Variants in ZNF600 observed in about 807,000 individuals in gnomAD.
ZNF600 encodes zinc finger protein 600, also known as zinc finger protein KR-ZNF1.
ZNF600 carries 4 observed loss-of-function variants against 7.3 expected under a neutral mutation model. The ratio of observed to expected loss-of-function variants is 0.55; its 90% CI spans 0.27 to 1.25. ZNF600 has a LOEUF of 1.25. Among genes scored for constraint, ZNF600 ranks in the 50% most tolerant of loss-of-function variants. The pLI is 0.12. For missense variants in ZNF600, 911 were observed against 922.1 expected (o/e 0.99, Z 0.16); for synonymous variants, 290 against 308.9 (o/e 0.94, Z 0.64).
At chr19:52,825,690 C>T in the ZNF600 span, among the ~76,000 whole-genome samples, 1 of 151,822 alleles carries the variant, frequency 6.6e-6, no homozygotes, top group African/African-American at 2.4e-5. Flanking sequence ...AAAACAACAA[C>T]AAAAAAATCA....
chr19:52,788,355 G>A (rs978781488), upstream of ZNF600, among the ~76,000 whole-genome samples: 68 of 152,182 alleles, frequency 4.5e-4, no homozygotes, highest in African/African-American at 1.5e-3. Flanking sequence ...AGCCATCCCT[G>A]GCTCCTTTTC....
intron 3 of ZNF600, among the ~76,000 whole-genome samples, chr19:52,773,224 T>C (rs60220480): frequency 0.32 from 47,179 of 148,318 alleles, 3,982 homozygotes; most frequent in African/African-American, 0.44. Context: ...ATAATTCCAC[T>C]AGGATAGACC....
chr19:52,810,436 T>G, the ZNF600 span: 8 of 1,601,258 alleles, frequency 5.0e-6, no homozygotes, highest in Middle Eastern at 8.5e-4. Context: ...CCCAAAGGGT[T>G]TGCATATATA....
the ZNF600 span, chr19:52,799,430 C>T: frequency 1.2e-5 from 9 of 725,350 alleles, no homozygotes; most frequent in Non-Finnish European, 2.1e-5. Flanking sequence ...CACATTCTTC[C>T]TATTTGTAAA....
the ZNF600 span, among the ~76,000 whole-genome samples, chr19:52,796,033 G>C: frequency 6.6e-6 from 1 of 152,132 alleles, no homozygotes; most frequent in Non-Finnish European, 1.5e-5. Flanking sequence ...AAATTTGCCG[G>C]GTGCAATGGC....
At chr19:52,811,761 C>CG in the ZNF600 span, among the ~76,000 whole-genome samples, 170 of 125,250 alleles carry the variant, frequency 1.4e-3, 2 homozygotes, top group African/African-American at 4.6e-3. Context: ...GGAGGGAGGT[C>CG]GGGGGGGTCA....
the ZNF600 span, among the ~76,000 whole-genome samples, chr19:52,796,187 A>T: frequency 6.6e-6 from 1 of 152,162 alleles, no homozygotes; most frequent in Non-Finnish European, 1.5e-5. Context: ...TAAAAATGAC[A>T]AAAGAGGAAA....
chr19:52,769,748 T>C (rs2062617524), intron 3 of ZNF600, among the ~76,000 whole-genome samples: 1 of 151,742 alleles, frequency 6.6e-6, no homozygotes, highest in Admixed American at 6.6e-5. Flanking sequence ...AGAGATGGGG[T>C]TTCACCAGGT....
intron 3 of ZNF600, among the ~76,000 whole-genome samples, chr19:52,772,735 A>G (rs540249009): frequency 6.6e-6 from 1 of 152,298 alleles, no homozygotes; most frequent in African/African-American, 2.4e-5. Context: ...GAGGGACAAG[A>G]CTTGATCCTG....
At chr19:52,778,830 G>A in exon 2 of ZNF600, 1 of 1,607,024 alleles carries the variant, frequency 6.2e-7, no homozygotes, top group Non-Finnish European at 8.5e-7. Flanking sequence ...CTTCACCTGA[G>A]GAAGAGCCAT....
chr19:52,786,987 AG>A (rs1472918919), upstream of ZNF600, among the ~76,000 whole-genome samples: 9 of 152,246 alleles, frequency 5.9e-5, no homozygotes, highest in Non-Finnish European at 8.8e-5. Flanking sequence ...ATGATTCAAA[AG>A]CCCTGGAATT....
At chr19:52,797,694 A>C in the ZNF600 span, 36 of 153,968 alleles carry the variant, frequency 2.3e-4, no homozygotes, top group Admixed American at 9.2e-4. Context: ...CATTGATCAA[A>C]ATGATTAAAA....
At chr19:52,792,879 C>T in the ZNF600 span, among the ~76,000 whole-genome samples, 2 of 151,746 alleles carry the variant, frequency 1.3e-5, no homozygotes, top group African/African-American at 4.8e-5. Context: ...ACTACAGGTG[C>T]CCACCGCCAC....
chr19:52,765,552 G>A, exon 4 of ZNF600: 1 of 1,613,188 alleles, frequency 6.2e-7, no homozygotes, highest in South Asian at 1.1e-5. Flanking sequence ...TGCAATGGTT[G>A]TAGCGTTACT....
At chr19:52,797,620 AAAGT>A in the ZNF600 span, 35 of 154,410 alleles carry the variant, frequency 2.3e-4, no homozygotes, top group African/African-American at 7.0e-4. Context: ...TAAAGAGCTT[AAAGT>A]AAGAAATATT....
chr19:52,799,171 A>G, the ZNF600 span: 2 of 412,342 alleles, frequency 4.9e-6, no homozygotes, highest in Non-Finnish European at 9.4e-6. Flanking sequence ...ACTATGCCAC[A>G]TTCATTACAC....
At chr19:52,789,948 T>G (rs1164022359), upstream of ZNF600, among the ~76,000 whole-genome samples, 1 of 151,814 alleles carries the variant, frequency 6.6e-6, no homozygotes, top group Non-Finnish European at 1.5e-5. Context: ...AAAGGGGGTT[T>G]GTTCCCTGGT....
Position 52,778,896 on chromosome 19 carries a change from T to G in ZNF600, c.-8A>C, listed in dbSNP as rs200180916. ...TGCTTCTTCACATAACATGAGTCTT[T>G]AGGAATCAATCCTGTATGTGAAAAA... On this transcript the variant is annotated 5_prime_UTR_variant, in exon 2 of 4. Transcript: ENST00000648973. The G allele has an allele frequency of 5.6e-4, 893 of 1,601,030 alleles. 1 individual carries two copies. The highest frequency in any genetic ancestry group is 7.6e-4 in the Admixed American group (44 of 57,806).
At chr19:52,799,772 G>T in the ZNF600 span, 1 of 1,613,930 alleles carries the variant, frequency 6.2e-7, no homozygotes, top group Non-Finnish European at 8.5e-7. Context: ...CATTACACTT[G>T]TAAGGTTTCT....
Sources: gnomAD v4.1 joint callset for allele counts (sites outside exome capture counted in the v4.1 genomes callset) on GRCh38, gnomAD v4.1.1 for gene constraint, MANE v1.5 for transcripts, NCBI Gene and HGNC (gene_info 2026-07-23, HGNC 2026-07-21) for gene names.